The following SS18 variants were observed in gnomAD, a reference collection of about 807,000 sequenced individuals.
SS18 encodes SS18 subunit of BAF chromatin remodeling complex, also known as protein SSXT.
In SS18, 28 loss-of-function variants were observed where a neutral mutation model predicts 72.5. The observed-to-expected ratio is 0.39, with a 90% confidence interval of 0.29 to 0.53. The LOEUF (loss-of-function observed/expected upper bound fraction) is 0.53. Ranked by LOEUF, SS18 falls within the 20% of genes least tolerant of loss-of-function variation. The pLI is 0.76. For synonymous variants in SS18, 172 were observed against 164.2 expected, an observed-to-expected ratio of 1.05 and a Z score of -0.37; for missense variants, 518 against 535.3, an observed-to-expected ratio of 0.97 and a Z score of 0.32.
chr18:26,028,583 T>C (rs2053491410), intron 10 of SS18, among the ~76,000 whole-genome samples: 1 of 152,214 alleles, frequency 6.6e-6, no homozygotes, highest in South Asian at 2.1e-4. Context: ...GAACACTACT[T>C]AGCAATAAAC....
Position 26,032,498 on chromosome 18 carries a change from A to G in SS18, c.1131T>C (p.Pro377=), listed in dbSNP as rs2053561013. Residue 377 remains proline, a synonymous_variant, in exon 10 of 11, where the codon CCT becomes CCC. Transcript: ENST00000415083. Reference sequence around the variant, plus strand: ...GCTGACCTTGTCCCTGTGGGTAGTTAGGATACTGAGGACCTGGACCACCCT... The same window carrying G: ...GCTGACCTTGTCCCTGTGGGTAGTTGGGATACTGAGGACCTGGACCACCCT... ...PSQGGPGPQY[P]NYPQGQGQQY... 1 of 1,613,788 alleles carries G rather than the reference A, an allele frequency of 6.2e-7. No homozygotes were observed. The highest frequency in any genetic ancestry group is 1.3e-5 in the African/African-American group (1 of 74,966).
chr18:26,045,617 T>A (rs913312834), intron 5 of SS18, among the ~76,000 whole-genome samples: 4 of 152,190 alleles, frequency 2.6e-5, no homozygotes, highest in African/African-American at 9.6e-5. Context: ...TTTAACCTTA[T>A]AACATTCATA....
intron 3 of SS18, among the ~76,000 whole-genome samples, chr18:26,064,648 TA>T (rs2054180654): frequency 6.6e-6 from 1 of 152,080 alleles, no homozygotes; most frequent in African/African-American, 2.4e-5. Flanking sequence ...AATGTCATCT[TA>T]CTAATGAAAT....
At position 26,016,401 on chromosome 18, in the gene SS18, C is replaced by A; in HGVS notation, c.*1953G>T. 1 of 182,888 alleles carries A rather than the reference C, an allele frequency of 5.5e-6. No homozygotes were observed. Among genetic ancestry groups the A allele is most frequent in the Non-Finnish European group, 1.2e-5 (1 of 85,640 alleles). The allele number at this position is 182,888 out of a possible 1,614,324, so 11.3% of individuals were successfully genotyped here. ...TGATTTATCTGTTCAAACTTGATGT[C>A]CATTTTCTACTGATCAAGTTGAAAG... On this transcript the variant is annotated 3_prime_UTR_variant, in exon 11 of 11. Transcript: ENST00000415083.
intron 3 of SS18, among the ~76,000 whole-genome samples, chr18:26,064,040 G>T (rs1179773728): frequency 3.9e-5 from 6 of 152,038 alleles, no homozygotes; most frequent in Admixed American, 1.3e-4. Context: ...TTATGATAAT[G>T]TATTTAATAA....
intron 1 of SS18, among the ~76,000 whole-genome samples, chr18:26,089,302 C>T (rs770334226): frequency 1.3e-5 from 2 of 152,162 alleles, no homozygotes; most frequent in Non-Finnish European, 2.9e-5. Context: ...TGCGTGAGTG[C>T]GTACTTGGAG....
chr18:26,057,827 A>C (rs1014957704), intron 3 of SS18, 85 bp from the exon 4 acceptor site: 1 of 1,317,942 alleles, frequency 7.6e-7, no homozygotes, highest in Non-Finnish European at 1.0e-6. Context: ...TATGTTACTA[A>C]ATTGCAGTAA....
intron 4 of SS18, 106 bp from the exon 5 acceptor site, chr18:26,052,951 C>T (rs934193813): frequency 1.6e-5 from 13 of 819,772 alleles, no homozygotes; most frequent in Admixed American, 4.9e-5. Context: ...TAATACCAAA[C>T]AATAATTAAT....
At chr18:26,042,328 T>G (rs935297083) in intron 5 of SS18, among the ~76,000 whole-genome samples, 4 of 152,170 alleles carry the variant, frequency 2.6e-5, no homozygotes, top group African/African-American at 4.8e-5. Context: ...TCTTCATCTT[T>G]TACATAAACA....
chr18:26,090,745 G>T (rs2054713168), upstream of SS18: 2 of 652,330 alleles, frequency 3.1e-6, no homozygotes, highest in East Asian at 2.8e-5. Context: ...GGCCAGGGAT[G>T]TCTCGCTTCT....
rs552870591 is a variant in SS18 at position 26,062,677 on chromosome 18, T to C, written c.232-4935A>G. Among the ~76,000 whole-genome samples the C allele has an allele frequency of 2.6e-5, 4 of 152,240 alleles. No individual in the cohort carries two copies. The East Asian group carries it at 7.7e-4, about 29-fold the overall frequency. ...TACTTTAAAGTCAAGGGAACAGATATATTAAAAGAAAAAAATGGAAAAAGA... is the reference window on the plus strand; with the variant it reads ...TACTTTAAAGTCAAGGGAACAGATACATTAAAAGAAAAAAATGGAAAAAGA... On this transcript the variant is annotated intron_variant, in intron 3 of 10. Coordinates refer to ENST00000415083, the MANE Select transcript of SS18 (RefSeq NM_001007559.3).
At chr18:26,033,660 A>C (rs1057251413) in intron 9 of SS18, among the ~76,000 whole-genome samples, 3 of 152,216 alleles carry the variant, frequency 2.0e-5, no homozygotes, top group African/African-American at 7.2e-5. Context: ...ATATCAGCCT[A>C]TTATTTATTA....
chr18:26,081,285 G>C (rs527965285), intron 2 of SS18: 5 of 152,258 alleles, frequency 3.3e-5, no homozygotes, highest in African/African-American at 1.2e-4. Context: ...CCGCCTCCCA[G>C]GTTCAAGTGA....
chr18:26,081,665 T>C (rs1212970639), intron 2 of SS18, among the ~76,000 whole-genome samples: 3 of 152,184 alleles, frequency 2.0e-5, no homozygotes, highest in Admixed American at 2.0e-4. Context: ...AAAAATGATA[T>C]TAAATATATT....
chr18:26,029,919 TC>T (rs1217392947), intron 10 of SS18, among the ~76,000 whole-genome samples: 4 of 151,932 alleles, frequency 2.6e-5, no homozygotes, highest in African/African-American at 9.7e-5. Context: ...GCTAAAATGG[TC>T]CCCCCCTCAT....
In SS18 at chr18:26,017,370, TC is replaced by T. The variant is rs894602351; in HGVS notation, c.*983del. 5.2e-6 allele frequency: 1 copy of T among 192,158 alleles called. No individual in the cohort carries two copies. Among genetic ancestry groups the T allele is most frequent in the African/African-American group, 2.3e-5 (1 of 43,084 alleles). 11.9% of individuals were successfully genotyped at this position (192,158 alleles called of 1,614,324 possible). Reference sequence around the variant, plus strand: ...AACTATTCAGTTTAATAACCAATTATCCCTCAATATTACAAAATAAAATGAC... The same window carrying T: ...AACTATTCAGTTTAATAACCAATTATCCTCAATATTACAAAATAAAATGAC... On this transcript the variant is annotated 3_prime_UTR_variant, in exon 11 of 11. Coordinates refer to ENST00000415083, the MANE Select transcript of SS18 (RefSeq NM_001007559.3).
At chr18:26,025,630 T>A in intron 10 of SS18, among the ~76,000 whole-genome samples, 1 of 151,746 alleles carries the variant, frequency 6.6e-6, no homozygotes, top group South Asian at 2.1e-4. Flanking sequence ...CACAAAACAT[T>A]TACTCAAGAA....
At chr18:26,063,114 G>T (rs1190563719) in intron 3 of SS18, among the ~76,000 whole-genome samples, 1 of 152,062 alleles carries the variant, frequency 6.6e-6, no homozygotes, top group Non-Finnish European at 1.5e-5. Flanking sequence ...TCACATACTG[G>T]GCCATAAAGC....
intron 10 of SS18, among the ~76,000 whole-genome samples, chr18:26,020,346 AG>A (rs2053327041): frequency 1.3e-5 from 2 of 152,198 alleles, no homozygotes; most frequent in South Asian, 4.1e-4. Context: ...AGAGGACATG[AG>A]AAAGCGCTTT....
Sources: allele counts gnomAD v4.1 joint callset (sites outside exome capture counted in the v4.1 genomes callset), GRCh38; gene constraint gnomAD v4.1.1; transcripts MANE v1.5; gene names NCBI Gene and HGNC (gene_info 2026-07-23, HGNC 2026-07-21).